The following KIAA0232 variants were observed in gnomAD, a reference collection of about 807,000 sequenced individuals.
KIAA0232 encodes uncharacterized protein KIAA0232.
A neutral mutation model predicts 122.0 loss-of-function variants in KIAA0232; 27 were observed. The observed-to-expected ratio is 0.22, with a 90% CI of 0.16 to 0.31. The LOEUF is 0.31. KIAA0232 is among the 10% of genes least tolerant of loss of function. The probability of loss-of-function intolerance (pLI) is 1.00; values close to 1 mark genes in which losing one functional copy is unlikely to be tolerated. For synonymous variants in KIAA0232, 613 were observed against 587.6 expected (o/e 1.04, Z -0.63); for missense variants, 1,551 against 1,634.2 (o/e 0.95, Z 0.88).
intron 1 of KIAA0232, among the ~76,000 whole-genome samples, chr4:6,802,021 T>C (rs556831574): frequency 6.6e-6 from 1 of 152,340 alleles, no homozygotes; most frequent in South Asian, 2.1e-4. Flanking sequence ...CTGATAGGGC[T>C]GTTAGTTCCT....
rs1239883888 is a variant in KIAA0232 at position 6,883,008 on chromosome 4, C to G, written c.*2042C>G. ...AGGTGAGAAGATGCAGCACCTTCCACAGGTGAATGGGACGGATTCGAAGTG... is the reference window on the plus strand; with the variant it reads ...AGGTGAGAAGATGCAGCACCTTCCAGAGGTGAATGGGACGGATTCGAAGTG... On this transcript the variant is annotated 3_prime_UTR_variant, in exon 10 of 10. Coordinates refer to ENST00000307659, the MANE Select transcript of KIAA0232 (RefSeq NM_014743.3). 3 of 152,372 alleles carry G rather than the reference C, an allele frequency of 2.0e-5. No homozygotes were observed. Among genetic ancestry groups the G allele is most frequent in the Non-Finnish European group, 4.4e-5 (3 of 68,032 alleles). The allele number at this position is 152,372 out of a possible 1,614,324, so 9.4% of individuals were successfully genotyped here.
At chr4:6,857,300 C>G in intron 5 of KIAA0232, 70 bp downstream of exon 5, 1 of 1,347,736 alleles carries the variant, frequency 7.4e-7, no homozygotes, top group Non-Finnish European at 1.0e-6. Context: ...TGGGGAAAAT[C>G]TTAGAATTGA....
At chr4:6,843,927 CTTTTTTTTTTTTTTT>C (rs373793407) in intron 4 of KIAA0232, among the ~76,000 whole-genome samples, 1,173 of 46,440 alleles carry the variant, frequency 0.025, 33 homozygotes, top group African/African-American at 0.074. Flanking sequence ...AGTTACCCAT[CTTTTTTTTTTTTTTT>C]TTTTTTTTTT....
Position 6,881,085 on chromosome 4 carries a change from A to T in KIAA0232, c.*119A>T. The T allele has an allele frequency of 1.5e-6, 1 of 661,286 alleles. No individual in the cohort carries two copies. The highest frequency in any genetic ancestry group is 2.3e-6 in the Non-Finnish European group (1 of 434,280). The allele number at this position is 661,286 out of a possible 1,614,324, so 41.0% of individuals were successfully genotyped here. A position where few individuals can be genotyped will look rare whatever the true frequency, so the allele number is the denominator to read the frequency against. ...TTTCCTCTTCAATTAACTGATTCAG[A>T]TTGGTAATAATTATCTTTCTCTTCT... is the stretch of plus-strand genomic sequence containing the variant. On this transcript the variant is annotated 3_prime_UTR_variant, in exon 10 of 10. Transcript: ENST00000307659.
rs144836999 is a variant in KIAA0232, at chr4:6,795,904, T to G, written c.-353-8619T>G. On this transcript the variant is annotated intron_variant, in intron 1 of 9. Transcript: ENST00000307659. ...CTGCACTTGGCCTAGAAAATTTTAA[T>G]TACATATATGACTGGCATTATTTTG... Among the ~76,000 whole-genome samples, 842 of 152,286 alleles carry G rather than the reference T, an allele frequency of 5.5e-3. 3 individuals carry two copies. Among genetic ancestry groups the G allele is most frequent in the African/African-American group, 0.019 (788 of 41,546 alleles).
chr4:6,812,263 T>C, intron 2 of KIAA0232, among the ~76,000 whole-genome samples: 1 of 152,142 alleles, frequency 6.6e-6, no homozygotes, highest in Non-Finnish European at 1.5e-5. Flanking sequence ...CTTTTGTGAT[T>C]ATGGAAATGT....
Position 6,862,682 on chromosome 4 carries a change from G to A in KIAA0232, c.2300G>A (p.Cys767Tyr), listed in dbSNP as rs1406784345. The change falls in exon 7 of 10, where the codon TGC becomes TAC. Residue 767 changes from cysteine (C) to tyrosine (Y), a missense_variant. Around this residue, in one of 5 missense-constraint regions of KIAA0232, gnomAD observed 1,108 missense variants for 1,154.8 expected, o/e 0.96. Transcript: ENST00000307659. ...CTAGATTTTTTGCAAGATGAAACTT[G>A]CCAGCAAAACAGTAGAACTTTAGGT... is the stretch of plus-strand genomic sequence containing the variant. ...ELLDFLQDET[C>Y]QQNSRTLGEI... is the part of the protein sequence containing the mutation. 6 of 1,610,642 alleles carry A rather than the reference G, an allele frequency of 3.7e-6. No individual in the cohort carries two copies.
intron 3 of KIAA0232, among the ~76,000 whole-genome samples, chr4:6,831,739 G>A (rs1718993647): frequency 6.6e-6 from 1 of 152,200 alleles, no homozygotes; most frequent in Non-Finnish European, 1.5e-5. Flanking sequence ...TCAGAGGGGA[G>A]GCCAGCAGAG....
intron 3 of KIAA0232, among the ~76,000 whole-genome samples, chr4:6,834,409 A>G (rs1719159272): frequency 6.6e-6 from 1 of 152,182 alleles, no homozygotes; most frequent in Non-Finnish European, 1.5e-5. Flanking sequence ...AACTATTGCT[A>G]TTATTGTTGC....
Position 6,862,783 on chromosome 4 carries a change from G to C in KIAA0232, c.2401G>C (p.Glu801Gln), listed in dbSNP as rs201528062. The change falls in exon 7 of 10, where the codon GAA becomes CAA. Residue 801 changes from glutamate (E) to glutamine (Q), a missense_variant. Transcript: ENST00000307659. ...TGGTATTCAGCTAGAACAAAAAACA[G>C]AAAACAAAAATTTTGAAACTACACA... ...VCGIQLEQKT[E>Q]NKNFETTQVC... 8.1e-4 allele frequency: 1,308 copies of C among 1,613,936 alleles called. No individual in the cohort carries two copies. The highest frequency in any genetic ancestry group is 1.0e-3 in the Non-Finnish European group (1,203 of 1,179,976).
rs529839259 is a variant in KIAA0232 at position 6,821,673 on chromosome 4, T to C, written c.-269-2512T>C. Among the ~76,000 whole-genome samples the C allele has an allele frequency of 1.3e-3, 162 of 122,040 alleles. 1 individual carries two copies. Among genetic ancestry groups the C allele is most frequent in the African/African-American group, 4.9e-3 (153 of 31,138 alleles). 80.1% of individuals were successfully genotyped at this position (122,040 alleles called of 152,430 possible). ...GTATATACGTGTATGTGTATACATATATACATGTATATATGTGTGTGTGTG... is the reference window on the plus strand; with the variant it reads ...GTATATACGTGTATGTGTATACATACATACATGTATATATGTGTGTGTGTG... On this transcript the variant is annotated intron_variant, in intron 2 of 9. Transcript: ENST00000307659.
rs557925385 is a variant in KIAA0232 at position 6,855,815 on chromosome 4, T to C, written c.370-1349T>C. 5.6e-5 allele frequency: 55 copies of C among 984,438 alleles called. No homozygotes were observed. The African/African-American group carries it at 8.9e-4, about 16-fold the overall frequency. The allele number at this position is 984,438 out of a possible 1,614,324, so 61.0% of individuals were successfully genotyped here. Reference sequence around the variant, plus strand: ...GCTTGCTGTACAGAACAGTATGCAGTGTGTCAGCTGACACTGGTGTTGGTT... The same window carrying C: ...GCTTGCTGTACAGAACAGTATGCAGCGTGTCAGCTGACACTGGTGTTGGTT... On this transcript the variant is annotated intron_variant, in intron 4 of 9. Coordinates refer to ENST00000307659, the MANE Select transcript of KIAA0232 (RefSeq NM_014743.3). This position sits in a 1 kb window ranked among gnomAD's most constrained non-coding sequence, Gnocchi z 4.3.
In KIAA0232 at chr4:6,876,722, C is replaced by A; in HGVS notation, c.3973C>A (p.Pro1325Thr). 1 of 1,612,944 alleles carries A rather than the reference C, an allele frequency of 6.2e-7. No individual in the cohort carries two copies. Among genetic ancestry groups the A allele is most frequent in the Non-Finnish European group, 8.5e-7 (1 of 1,178,978 alleles). Residue 1325 changes from proline to threonine, a missense_variant, in exon 9 of 10, where the codon CCC becomes ACC. By Grantham distance (38) the Pro-to-Thr change is conservative. This residue lies in a region of KIAA0232 where 1,108 missense variants were observed against 1,154.8 expected (regional missense o/e 0.96). Coordinates refer to ENST00000307659, the MANE Select transcript of KIAA0232 (RefSeq NM_014743.3). ...LEEYPDAKETPSNEERLLDFN... is the reference protein window; with the variant it reads ...LEEYPDAKETTSNEERLLDFN... ...AGAATATCCAGATGCTAAAGAGACA[C>A]CCAGTAATGAAGAGCGCCTGTTAGA...
intron 6 of KIAA0232, 64 bp downstream of exon 6, chr4:6,858,570 A>G (rs960578188): frequency 4.8e-6 from 5 of 1,033,556 alleles, no homozygotes; most frequent in Non-Finnish European, 7.2e-6. Flanking sequence ...TAACTGCTAC[A>G]TGGTTTCCGT....
At chr4:6,857,751 T>C (rs904952146) in intron 5 of KIAA0232, among the ~76,000 whole-genome samples, 1 of 152,236 alleles carries the variant, frequency 6.6e-6, no homozygotes, top group Admixed American at 6.5e-5. Context: ...TATTTCGATA[T>C]ATGAATCCTC....
rs1722161443 is a variant in KIAA0232, at chr4:6,883,023, G to C, written c.*2057G>C. 1 of 152,404 alleles carries C rather than the reference G, an allele frequency of 6.6e-6. No homozygotes were observed. The highest frequency in any genetic ancestry group is 2.1e-4 in the South Asian group (1 of 4,834). 9.4% of individuals were successfully genotyped at this position (152,404 alleles called of 1,614,324 possible). A position where few individuals can be genotyped will look rare whatever the true frequency, so the allele number is the denominator to read the frequency against. On this transcript the variant is annotated 3_prime_UTR_variant, in exon 10 of 10. Coordinates refer to ENST00000307659, the MANE Select transcript of KIAA0232 (RefSeq NM_014743.3). The stretch of plus-strand genomic sequence containing the variant: ...GCACCTTCCACAGGTGAATGGGACG[G>C]ATTCGAAGTGAGCAAAGGGATTCAC...
At position 6,861,192 on chromosome 4, in the gene KIAA0232, G is replaced by C; in HGVS notation, c.810G>C (p.Leu270Phe). Residue 270 changes from leucine to phenylalanine, a missense_variant, in exon 7 of 10, where the codon TTG becomes TTC. Leu to Phe is a conservative substitution (Grantham distance 22). Around this residue, in one of 5 missense-constraint regions of KIAA0232, gnomAD observed 377 missense variants for 381.7 expected, o/e 0.99. Coordinates refer to ENST00000307659, the MANE Select transcript of KIAA0232 (RefSeq NM_014743.3). ...GCACAATTGAAGAAAAGCCTGCTTT[G>C]TACAAAAAGCAAATCCGACATAAAC... ...SNGTIEEKPA[L>F]YKKQIRHKPE... is the part of the protein sequence containing the mutation. The C allele has an allele frequency of 2.5e-6, 4 of 1,614,156 alleles. No individual in the cohort carries two copies. The highest frequency in any genetic ancestry group is 3.4e-6 in the Non-Finnish European group (4 of 1,180,040).
intron 3 of KIAA0232, among the ~76,000 whole-genome samples, chr4:6,829,285 C>T (rs1276586878): frequency 6.6e-6 from 1 of 152,136 alleles, no homozygotes; most frequent in African/African-American, 2.4e-5. Flanking sequence ...GAGACGCTGA[C>T]TTGGTTTATC....
intron 4 of KIAA0232, among the ~76,000 whole-genome samples, chr4:6,844,738 C>G (rs939562357): frequency 1.3e-5 from 2 of 152,154 alleles, no homozygotes; most frequent in African/African-American, 4.8e-5. Flanking sequence ...GCCTGGCCAG[C>G]TTCTTAATTT....
Sources: allele counts gnomAD v4.1 joint callset (sites outside exome capture counted in the v4.1 genomes callset), GRCh38; gene constraint gnomAD v4.1.1; regional missense constraint gnomAD v4.1.1; non-coding constraint Gnocchi (gnomAD v3.1); transcripts MANE v1.5; gene names NCBI Gene and HGNC (gene_info 2026-07-23, HGNC 2026-07-21).